Variants in SLCO3A1 observed in about 807,000 individuals in gnomAD.
SLCO3A1 encodes the protein solute carrier organic anion transporter family member 3A1, also known as PGE1 transporter.
SLCO3A1 carries 27 observed loss-of-function variants against 63.1 expected under a neutral mutation model. The observed-to-expected ratio is 0.43, with a 90% CI of 0.32 to 0.59. SLCO3A1 has a LOEUF of 0.59. Ranked by LOEUF, SLCO3A1 falls within the 20% of genes least tolerant of loss-of-function variation. The pLI is 0.09. For synonymous variants in SLCO3A1, 473 were observed against 409.9 expected (o/e 1.15, Z -1.86); for missense variants, 773 against 945.8 (o/e 0.82, Z 2.40).
At chr15:92,050,447 G>A (rs898944503) in intron 2 of SLCO3A1, among the ~76,000 whole-genome samples, 2 of 152,188 alleles carry the variant, frequency 1.3e-5, no homozygotes, top group African/African-American at 4.8e-5. Flanking sequence ...CGGAGGCACG[G>A]TGCCACCATC....
chr15:92,022,392 C>T (rs1248249638), intron 2 of SLCO3A1, among the ~76,000 whole-genome samples: 2 of 152,000 alleles, frequency 1.3e-5, no homozygotes, highest in African/African-American at 4.8e-5. Flanking sequence ...GTAATAGTCA[C>T]CCATAAGGAG....
At position 92,078,999 on chromosome 15, in the gene SLCO3A1, G is replaced by A. The variant is rs184548603; in HGVS notation, c.647-15882G>A. Among the ~76,000 whole-genome samples, 278 of 152,290 alleles carry A rather than the reference G, an allele frequency of 1.8e-3. 1 individual carries two copies. Among genetic ancestry groups the A allele is most frequent in the Middle Eastern group, 0.01 (3 of 294 alleles). ...AGAAACAGTTTATCTTGTGTACCAC[G>A]TTTAGGAAACTTATTTCCAAGCCTG... is the stretch of plus-strand genomic sequence containing the variant. On this transcript the variant is annotated intron_variant, in intron 2 of 9. Transcript: ENST00000318445.
chr15:92,094,824 T>G, intron 2 of SLCO3A1, 57 bp from the exon 3 acceptor site: 1 of 1,093,468 alleles, frequency 9.1e-7, no homozygotes, highest in Non-Finnish European at 1.4e-6. Context: ...CTTTGGTGAT[T>G]TTGCTCATCG....
At chr15:91,922,273 C>T (rs1898876352) in intron 2 of SLCO3A1, among the ~76,000 whole-genome samples, 1 of 152,098 alleles carries the variant, frequency 6.6e-6, no homozygotes, top group Non-Finnish European at 1.5e-5. Flanking sequence ...GGGAGCTGGC[C>T]AGCGGAAAGG....
chr15:92,116,720 G>A lies in SLCO3A1; in HGVS notation c.1010-3745G>A, dbSNP rs1409982302. 2.6e-5 allele frequency among the ~76,000 whole-genome samples: 4 copies of A among 152,188 alleles called. No homozygotes were observed. The East Asian group carries it at 7.7e-4, about 29-fold the overall frequency. ...GGCCCTAGGAGCAAACTAATTAATAGCCCTTCTCAAACTAGGGTTTTGGAA... is the reference window on the plus strand; with the variant it reads ...GGCCCTAGGAGCAAACTAATTAATAACCCTTCTCAAACTAGGGTTTTGGAA... On this transcript the variant is annotated intron_variant, in intron 4 of 9. Coordinates refer to ENST00000318445, the MANE Select transcript of SLCO3A1 (RefSeq NM_013272.4).
intron 2 of SLCO3A1, among the ~76,000 whole-genome samples, chr15:92,051,009 C>T (rs1488652816): frequency 6.6e-6 from 1 of 152,232 alleles, no homozygotes; most frequent in South Asian, 2.1e-4. Flanking sequence ...TTAGAGCAGA[C>T]TTCTCTGACC....
At chr15:92,050,916 C>T (rs376462218) in intron 2 of SLCO3A1, among the ~76,000 whole-genome samples, 5 of 152,114 alleles carry the variant, frequency 3.3e-5, no homozygotes, top group Admixed American at 2.0e-4. Flanking sequence ...AAGACTTTCA[C>T]GCATGCTTTT....
chr15:91,853,805 A>G lies in SLCO3A1; in HGVS notation c.-104A>G, dbSNP rs1896837222. The stretch of plus-strand genomic sequence containing the variant: ...GCCGCCGCGAACCCGGGGCGGGGAC[A>G]GCACGCAGCCTCGAGGCGCGCACCC... On this transcript the variant is annotated 5_prime_UTR_variant, in exon 1 of 10. Coordinates refer to ENST00000318445, the MANE Select transcript of SLCO3A1 (RefSeq NM_013272.4). The G allele has an allele frequency of 9.4e-7, 1 of 1,059,398 alleles. No homozygotes were observed. Among genetic ancestry groups the G allele is most frequent in the South Asian group, 4.4e-5 (1 of 22,472 alleles). The allele number at this position is 1,059,398 out of a possible 1,614,324, so 65.6% of individuals were successfully genotyped here. A position where few individuals can be genotyped will look rare whatever the true frequency, so the allele number is the denominator to read the frequency against.
chr15:91,933,519 T>C (rs1899305197), intron 2 of SLCO3A1, among the ~76,000 whole-genome samples: 1 of 152,214 alleles, frequency 6.6e-6, no homozygotes, highest in African/African-American at 2.4e-5. Context: ...CTTTTTCACC[T>C]AAAAAGCATA....
intron 7 of SLCO3A1, among the ~76,000 whole-genome samples, chr15:92,129,057 C>A (rs1056658288): frequency 6.6e-6 from 1 of 152,202 alleles, no homozygotes; most frequent in African/African-American, 2.4e-5. Flanking sequence ...TTTCCACGCT[C>A]TCTCCCTGAA....
rs1898679891 is a variant in SLCO3A1, at chr15:91,916,855, G to C, written c.646+397G>C. ...CTTTGAAGAATCAGAATGATGTCCT[G>C]GTCATTGTCCTGTTGCAGCTCAAAA... On this transcript the variant is annotated intron_variant, in intron 2 of 9. Transcript: ENST00000318445. This position sits in a 1 kb window ranked among gnomAD's most constrained non-coding sequence, Gnocchi z 6.2. 6.6e-6 allele frequency among the ~76,000 whole-genome samples: 1 copy of C among 152,122 alleles called. No individual in the cohort carries two copies. The highest frequency in any genetic ancestry group is 2.1e-4 in the South Asian group (1 of 4,830).
At chr15:91,889,663 C>G (rs1378568110) in intron 1 of SLCO3A1, among the ~76,000 whole-genome samples, 1 of 152,224 alleles carries the variant, frequency 6.6e-6, no homozygotes, top group African/African-American at 2.4e-5. Context: ...AGAAAAGAGA[C>G]AGGCCTTGTT....
chr15:92,063,629 G>A (rs1256715863), intron 2 of SLCO3A1, among the ~76,000 whole-genome samples: 3 of 152,164 alleles, frequency 2.0e-5, no homozygotes, highest in Non-Finnish European at 4.4e-5. Context: ...GGAGGCTGAC[G>A]TGGATGGATC....
At chr15:91,981,620 G>GA (rs1487668060) in intron 2 of SLCO3A1, among the ~76,000 whole-genome samples, 3 of 151,972 alleles carry the variant, frequency 2.0e-5, no homozygotes, top group African/African-American at 7.2e-5. Flanking sequence ...GATTTTTTCG[G>GA]AAAAAATTTC....
Position 92,163,479 on chromosome 15 carries a change from A to C in SLCO3A1, c.*344A>C. 1 of 1,025,878 alleles carries C rather than the reference A, an allele frequency of 9.7e-7. No homozygotes were observed. The highest frequency in any genetic ancestry group is 1.2e-6 in the Non-Finnish European group (1 of 857,354). The allele number at this position is 1,025,878 out of a possible 1,614,324, so 63.5% of individuals were successfully genotyped here. A position where few individuals can be genotyped will look rare whatever the true frequency, so the allele number is the denominator to read the frequency against. Reference sequence around the variant, plus strand: ...GGAACAGTGGTGGCCAGCTTGGAGGATGGACATTTCTGGATACACATACAC... The same window carrying C: ...GGAACAGTGGTGGCCAGCTTGGAGGCTGGACATTTCTGGATACACATACAC... On this transcript the variant is annotated 3_prime_UTR_variant, in exon 10 of 10. Transcript: ENST00000318445.
chr15:91,923,633 G>T (rs376275460), intron 2 of SLCO3A1, among the ~76,000 whole-genome samples: 3 of 152,100 alleles, frequency 2.0e-5, no homozygotes, highest in Non-Finnish European at 2.9e-5. Flanking sequence ...TTTAAATAAC[G>T]TATTCTTATT....
At chr15:92,061,838 T>G (rs894766719) in intron 2 of SLCO3A1, among the ~76,000 whole-genome samples, 1 of 152,194 alleles carries the variant, frequency 6.6e-6, no homozygotes, top group Non-Finnish European at 1.5e-5. Flanking sequence ...CACATGTACA[T>G]CCTTACACAA....
At chr15:92,137,130 C>G (rs1009237901) in intron 7 of SLCO3A1, among the ~76,000 whole-genome samples, 1 of 143,374 alleles carries the variant, frequency 7.0e-6, no homozygotes, top group South Asian at 2.2e-4. Context: ...CCCGTCCCCC[C>G]ACCCCACAGC....
chr15:91,993,092 C>T (rs1397285210), intron 2 of SLCO3A1, among the ~76,000 whole-genome samples: 1 of 152,216 alleles, frequency 6.6e-6, no homozygotes, highest in East Asian at 1.9e-4. Flanking sequence ...CACTTGGTTT[C>T]AGCCAGTCTT....
Sources: allele counts gnomAD v4.1 joint callset (sites outside exome capture counted in the v4.1 genomes callset), GRCh38; gene constraint gnomAD v4.1.1; non-coding constraint Gnocchi (gnomAD v3.1); transcripts MANE v1.5; gene names NCBI Gene and HGNC (gene_info 2026-07-23, HGNC 2026-07-21).